SLC24A3: variants seen among roughly 807,000 people sequenced by gnomAD.
The protein encoded by SLC24A3 is sodium/potassium/calcium exchanger 3.
Under a neutral mutation model 75.8 loss-of-function variants are expected in SLC24A3, and 28 were observed. The observed-to-expected ratio is 0.37, with a 90% confidence interval of 0.27 to 0.51. The LOEUF is 0.51. Ranked by LOEUF, SLC24A3 falls within the 20% of genes least tolerant of loss-of-function variation. The pLI, the probability that SLC24A3 is intolerant of heterozygous loss-of-function variation, is 0.94. For synonymous variants in SLC24A3, 372 were observed against 334.1 expected (o/e 1.11, Z -1.24); for missense variants, 663 against 847.8 (o/e 0.78, Z 2.71).
In SLC24A3 at chr20:19,412,509, G is replaced by A. The variant is rs116343319; in HGVS notation, c.272-102979G>A. On this transcript the variant is annotated intron_variant, in intron 2 of 16. Transcript: ENST00000328041. ...ATAAGAAGAGAAGAAACAGAAGAGG[G>A]AGATGAGGAAGCAGGAGGAGAAGGA... Among the ~76,000 whole-genome samples, 385 of 151,956 alleles carry A rather than the reference G, an allele frequency of 2.5e-3. 3 individuals carry two copies. The highest frequency in any genetic ancestry group is 8.7e-3 in the African/African-American group (362 of 41,454).
At chr20:19,306,322 C>A (rs2122253418) in intron 2 of SLC24A3, among the ~76,000 whole-genome samples, 1 of 152,290 alleles carries the variant, frequency 6.6e-6, no homozygotes, top group Admixed American at 6.5e-5. Context: ...TTGGAGATTT[C>A]TCAAAGAACT....
At chr20:19,620,030 AC>A (rs2031783699) in intron 6 of SLC24A3, among the ~76,000 whole-genome samples, 1 of 151,826 alleles carries the variant, frequency 6.6e-6, no homozygotes, top group Non-Finnish European at 1.5e-5. Context: ...TGGCCCACCA[AC>A]CCTCTTTTGC....
In SLC24A3 at chr20:19,543,084, C is replaced by T. The variant is rs994178926; in HGVS notation, c.348+27520C>T. On this transcript the variant is annotated intron_variant, in intron 3 of 16. Coordinates refer to ENST00000328041, the MANE Select transcript of SLC24A3 (RefSeq NM_020689.4). Reference sequence around the variant, plus strand: ...CACATGGGATTTTTATTATAATGATCATGGCCTTGTCTATTCCTCAAATGA... The same window carrying T: ...CACATGGGATTTTTATTATAATGATTATGGCCTTGTCTATTCCTCAAATGA... Among the ~76,000 whole-genome samples, 6 of 152,176 alleles carry T rather than the reference C, an allele frequency of 3.9e-5. No homozygotes were observed. The East Asian group carries it at 1.2e-3, about 29-fold the overall frequency.
At chr20:19,522,350 G>A (rs113334674) in intron 3 of SLC24A3, among the ~76,000 whole-genome samples, 472 of 152,290 alleles carry the variant, frequency 3.1e-3, no homozygotes, top group African/African-American at 0.011. Flanking sequence ...CAAGCAGGAT[G>A]TATAGAAGGC....
intron 1 of SLC24A3, among the ~76,000 whole-genome samples, chr20:19,224,588 C>T (rs1981826742): frequency 6.6e-6 from 1 of 152,072 alleles, no homozygotes; most frequent in Non-Finnish European, 1.5e-5. Flanking sequence ...TGAATGAATG[C>T]TCCATGAAAA....
chr20:19,517,933 T>C (rs1395962222), intron 3 of SLC24A3, among the ~76,000 whole-genome samples: 1 of 152,168 alleles, frequency 6.6e-6, no homozygotes, highest in Non-Finnish European at 1.5e-5. Context: ...AGATCAAATC[T>C]TGTTATCCTA....
chr20:19,705,789 AGGT>A (rs1445503731), intron 15 of SLC24A3, among the ~76,000 whole-genome samples: 1 of 152,208 alleles, frequency 6.6e-6, no homozygotes, highest in Non-Finnish European at 1.5e-5. Flanking sequence ...GCATGGCATT[AGGT>A]TTAAGCATTT....
chr20:19,545,832 C>T (rs775769824), intron 3 of SLC24A3, among the ~76,000 whole-genome samples: 117 of 152,204 alleles, frequency 7.7e-4, no homozygotes, highest in Non-Finnish European at 4.7e-4. Flanking sequence ...TTTCTTTGGA[C>T]GTAAACACCA....
rs560423976 is a variant in SLC24A3 at position 19,552,272 on chromosome 20, C to T, written c.349-27728C>T. The stretch of plus-strand genomic sequence containing the variant: ...AGGCAAAAGGGCTCTGAACAACTCC[C>T]CTCCCACATTCCCAAATCACCAAGG... On this transcript the variant is annotated intron_variant, in intron 3 of 16. Transcript: ENST00000328041. Among the ~76,000 whole-genome samples the T allele has an allele frequency of 5.4e-4, 82 of 152,160 alleles. 1 individual carries two copies. The highest frequency in any genetic ancestry group is 8.7e-4 in the Non-Finnish European group (59 of 68,030).
At chr20:19,477,827 T>G (rs559426610) in intron 2 of SLC24A3, among the ~76,000 whole-genome samples, 6 of 152,228 alleles carry the variant, frequency 3.9e-5, no homozygotes, top group African/African-American at 1.2e-4. Flanking sequence ...CCCTGTGTGA[T>G]ACAAAACCAT....
chr20:19,654,559 C>T (rs1376528045), intron 7 of SLC24A3, among the ~76,000 whole-genome samples: 1 of 151,890 alleles, frequency 6.6e-6, no homozygotes, highest in Admixed American at 6.6e-5. Context: ...AGCAGTGACA[C>T]CTCCCTGAGG....
chr20:19,218,393 A>T (rs541380208), intron 1 of SLC24A3, among the ~76,000 whole-genome samples: 1 of 152,216 alleles, frequency 6.6e-6, no homozygotes, highest in African/African-American at 2.4e-5. Flanking sequence ...AGGGATTTGA[A>T]CCCAAGTCCA....
At chr20:19,298,902 G>A (rs1984124951) in intron 2 of SLC24A3, among the ~76,000 whole-genome samples, 1 of 152,206 alleles carries the variant, frequency 6.6e-6, no homozygotes, top group East Asian at 1.9e-4. Context: ...ACCAGTCATG[G>A]GTTGGGGGCT....
intron 2 of SLC24A3, among the ~76,000 whole-genome samples, chr20:19,471,388 T>C (rs1245028349): frequency 6.6e-6 from 1 of 152,176 alleles, no homozygotes; most frequent in Non-Finnish European, 1.5e-5. Context: ...TGGCTCCAAT[T>C]TCTTCCTTAG....
Position 19,308,814 on chromosome 20 carries a change from G to A in SLC24A3, c.271+27727G>A, listed in dbSNP as rs571299026. Among the ~76,000 whole-genome samples, 10 of 152,286 alleles carry A rather than the reference G, an allele frequency of 6.6e-5. No homozygotes were observed. The South Asian group carries it at 2.1e-3, about 32-fold the overall frequency. Reference sequence around the variant, plus strand: ...TGCCTAAGTGGCTGCTGCTGAGGGTGCAGTTCCCTCCACATCTAGGAACTC... The same window carrying A: ...TGCCTAAGTGGCTGCTGCTGAGGGTACAGTTCCCTCCACATCTAGGAACTC... On this transcript the variant is annotated intron_variant, in intron 2 of 16. Transcript: ENST00000328041.
chr20:19,660,954 G>A (rs1409052556), intron 7 of SLC24A3, among the ~76,000 whole-genome samples: 1 of 152,152 alleles, frequency 6.6e-6, no homozygotes, highest in Non-Finnish European at 1.5e-5. Flanking sequence ...ACAGGAGGAA[G>A]GAAAGTCCTG....
intron 1 of SLC24A3, chr20:19,257,645 G>C (rs1982855444): frequency 6.6e-6 from 1 of 152,206 alleles, no homozygotes; most frequent in South Asian, 2.1e-4. Context: ...CTGGGTGCTG[G>C]AGGGAAATTC....
intron 6 of SLC24A3, among the ~76,000 whole-genome samples, chr20:19,641,997 T>C (rs1465138494): frequency 6.6e-6 from 1 of 152,176 alleles, no homozygotes; most frequent in Non-Finnish European, 1.5e-5. Flanking sequence ...CAAAACGTAG[T>C]CCTATCACTT....
At chr20:19,686,414 T>A (rs6075558) in intron 12 of SLC24A3, among the ~76,000 whole-genome samples, 124,384 of 152,164 alleles carry the variant, frequency 0.82, 50,969 homozygotes, top group Non-Finnish European at 0.85. Flanking sequence ...GAGCAGGTGG[T>A]CCAAGCCCAA....
Sources: gnomAD v4.1 joint callset for allele counts (sites outside exome capture counted in the v4.1 genomes callset) on GRCh38, gnomAD v4.1.1 for gene constraint, MANE v1.5 for transcripts, NCBI Gene and HGNC (gene_info 2026-07-23, HGNC 2026-07-21) for gene names.